The following PCDH15 variants were observed in gnomAD, a reference collection of about 807,000 sequenced individuals.
The protein encoded by PCDH15 is protocadherin related 15.
PCDH15 carries 129 observed loss-of-function variants against 178.5 expected under a neutral mutation model. The ratio of observed to expected loss-of-function variants is 0.72; its 90% CI spans 0.63 to 0.84. The LOEUF (loss-of-function observed/expected upper bound fraction) is 0.84. Ranked by LOEUF, PCDH15 falls within the 40% of genes least tolerant of loss-of-function variation. The probability of loss-of-function intolerance (pLI) is 0.00; values close to 1 mark genes in which losing one functional copy is unlikely to be tolerated. For missense variants in PCDH15, 2,230 were observed against 2,099.9 expected (o/e 1.06, Z -1.21); for synonymous variants, 800 against 732.0 (o/e 1.09, Z -1.50).
intron 1 of PCDH15, among the ~76,000 whole-genome samples, chr10:54,683,979 G>C (rs2094947240): frequency 6.6e-6 from 1 of 151,874 alleles, no homozygotes; most frequent in Admixed American, 6.6e-5. Flanking sequence ...AAAAATATAG[G>C]CTTTTTGAGA....
intron 8 of PCDH15, among the ~76,000 whole-genome samples, chr10:54,257,257 A>T (rs1430535112): frequency 6.6e-6 from 1 of 152,152 alleles, no homozygotes; most frequent in African/African-American, 2.4e-5. Context: ...CACCTACTGA[A>T]TTACTGAGAG....
intron 2 of PCDH15, among the ~76,000 whole-genome samples, chr10:54,650,116 G>C (rs1050843093): frequency 4.6e-5 from 7 of 151,926 alleles, no homozygotes; most frequent in Admixed American, 4.6e-4. Flanking sequence ...ATTTTGATTG[G>C]GTGTCATCAG....
At chr10:55,621,127 A>G (rs1410094003) in intron 2 of PCDH15, among the ~76,000 whole-genome samples, 1 of 152,070 alleles carries the variant, frequency 6.6e-6, no homozygotes, top group African/African-American at 2.4e-5. Flanking sequence ...TACTCTCCTA[A>G]GCATATTGGA....
At chr10:55,311,803 A>C (rs747922700) in intron 1 of PCDH15, among the ~76,000 whole-genome samples, 26 of 152,334 alleles carry the variant, frequency 1.7e-4, no homozygotes, top group Middle Eastern at 6.8e-3. Context: ...GTACACTCAC[A>C]AAATCAGACA....
rs758316594 is a variant in PCDH15, at chr10:53,809,146, T to C, written c.4671+1410A>G. The C allele has an allele frequency of 4.3e-6, 7 of 1,613,828 alleles. No individual in the cohort carries two copies. The highest frequency in any genetic ancestry group is 5.9e-6 in the Non-Finnish European group (7 of 1,179,886). On this transcript the variant is annotated intron_variant, in intron 37 of 37. Coordinates refer to ENST00000644397, the MANE Select transcript of PCDH15 (RefSeq NM_001384140.1). Reference sequence around the variant, plus strand: ...TTCTGATTCAGGGGTGGAACTCTCCTCCTCCTCAGAGGGTGTCTCTGACTC... The same window carrying C: ...TTCTGATTCAGGGGTGGAACTCTCCCCCTCCTCAGAGGGTGTCTCTGACTC...
chr10:54,995,304 AG>A lies in PCDH15; in HGVS notation c.-79-97805del, dbSNP rs559415133. ...GGCAGGAGAATGGCGTGAACCCGGG[AG>A]TCGGAGTTTGCAGTGAGTAGAGATC... On this transcript the variant is annotated intron_variant, in intron 2 of 5. Transcript: ENST00000458638. Among the ~76,000 whole-genome samples, 279 of 149,304 alleles carry A rather than the reference AG, an allele frequency of 1.9e-3. 1 individual carries two copies. The highest frequency in any genetic ancestry group is 6.5e-3 in the African/African-American group (260 of 40,094).
rs1954424383 is a variant in PCDH15 at position 54,889,528 on chromosome 10, A to G, written c.-29+7922T>C. On this transcript the variant is annotated intron_variant, in intron 3 of 5. Coordinates refer to the PCDH15 transcript ENST00000458638. The stretch of plus-strand genomic sequence containing the variant: ...ATATATATATATATATGATCTATAT[A>G]TACAAAATTAGGATAGTACAGAGGC... Among the ~76,000 whole-genome samples, 3 of 115,088 alleles carry G rather than the reference A, an allele frequency of 2.6e-5. No homozygotes were observed. In the South Asian group the frequency reaches 8.2e-4, roughly 32 times the overall value. 75.5% of individuals were successfully genotyped at this position (115,088 alleles called of 152,430 possible).
At chr10:54,826,730 A>G (rs573865500) in intron 3 of PCDH15, among the ~76,000 whole-genome samples, 1 of 152,010 alleles carries the variant, frequency 6.6e-6, no homozygotes, top group East Asian at 1.9e-4. Context: ...TTATTTTTAC[A>G]TCTACACTAA....
intron 1 of PCDH15, among the ~76,000 whole-genome samples, chr10:55,183,083 T>C (rs1459143136): frequency 6.6e-6 from 1 of 151,964 alleles, no homozygotes; most frequent in Non-Finnish European, 1.5e-5. Flanking sequence ...AGATATGGTA[T>C]ATATTTATAT....
At chr10:54,518,122 A>C (rs1226256363) in intron 3 of PCDH15, among the ~76,000 whole-genome samples, 1 of 152,214 alleles carries the variant, frequency 6.6e-6, no homozygotes, top group Admixed American at 6.5e-5. Flanking sequence ...AAGATCCAAA[A>C]TTGACACCCT....
At chr10:53,994,446 A>AT (rs2091721178) in intron 21 of PCDH15, 1 of 152,168 alleles carries the variant, frequency 6.6e-6, no homozygotes, top group South Asian at 2.1e-4. Flanking sequence ...TTGAGAGCAA[A>AT]AACTGGTTGC....
intron 1 of PCDH15, among the ~76,000 whole-genome samples, chr10:55,271,917 A>G (rs1372801130): frequency 6.6e-6 from 1 of 152,172 alleles, no homozygotes; most frequent in African/African-American, 2.4e-5. Flanking sequence ...GTTTTCTAAG[A>G]GAAAACATGG....
Position 54,832,515 on chromosome 10 carries a change from C to T in PCDH15, c.-29+64935G>A, listed in dbSNP as rs1301069670. Among the ~76,000 whole-genome samples, 3 of 152,160 alleles carry T rather than the reference C, an allele frequency of 2.0e-5. No individual in the cohort carries two copies. In the East Asian group the frequency reaches 5.8e-4, roughly 29 times the overall value. On this transcript the variant is annotated intron_variant, in intron 3 of 5. Transcript: ENST00000458638. ...AGGTTAAGGTTACTTTTCTGCCATT[C>T]ACTCATTTCCATGCCCACGTGCATA...
At chr10:54,669,859 C>G (rs1295393349) in intron 1 of PCDH15, among the ~76,000 whole-genome samples, 1 of 151,644 alleles carries the variant, frequency 6.6e-6, no homozygotes, top group African/African-American at 2.4e-5. Context: ...TCCAGACCAG[C>G]CTGGCAAACT....
intron 26 of PCDH15, among the ~76,000 whole-genome samples, chr10:53,891,039 G>T (rs2081520176): frequency 2.0e-5 from 3 of 152,004 alleles, no homozygotes; most frequent in African/African-American, 7.2e-5. Flanking sequence ...TCAAAATTAA[G>T]ATACATTTAT....
chr10:54,776,121 T>C (rs968420406), intron 1 of PCDH15, among the ~76,000 whole-genome samples: 7 of 152,182 alleles, frequency 4.6e-5, no homozygotes, highest in Admixed American at 1.3e-4. Context: ...TTTTTATGTC[T>C]GAATAGTATT....
intron 8 of PCDH15, among the ~76,000 whole-genome samples, chr10:54,297,363 A>G (rs578109935): frequency 1.3e-5 from 2 of 152,240 alleles, no homozygotes; most frequent in South Asian, 2.1e-4. Context: ...TTGGGGAAAA[A>G]TGGCCACCCG....
At chr10:54,200,329 G>A (rs1053587698) in intron 10 of PCDH15, among the ~76,000 whole-genome samples, 2 of 144,734 alleles carry the variant, frequency 1.4e-5, no homozygotes, top group African/African-American at 5.2e-5. Flanking sequence ...GAATGTGCAG[G>A]TTTGTTACGT....
At chr10:53,810,266 C>T (rs1309114151) in intron 37 of PCDH15, among the ~76,000 whole-genome samples, 3 of 152,104 alleles carry the variant, frequency 2.0e-5, no homozygotes, top group African/African-American at 7.2e-5. Flanking sequence ...AATATATTTG[C>T]TTATAATATC....
Sources: allele counts gnomAD v4.1 joint callset (sites outside exome capture counted in the v4.1 genomes callset), GRCh38; gene constraint gnomAD v4.1.1; transcripts MANE v1.5; gene names NCBI Gene and HGNC (gene_info 2026-07-23, HGNC 2026-07-21).